The following DCC variants were observed in gnomAD, a reference collection of about 807,000 sequenced individuals.
The protein encoded by DCC is netrin receptor DCC.
Under a neutral mutation model 172.5 loss-of-function variants are expected in DCC, and 58 were observed. The ratio of observed to expected loss-of-function variants is 0.34; its 90% CI spans 0.27 to 0.42. The LOEUF (loss-of-function observed/expected upper bound fraction) is 0.42, where lower values mean the gene tolerates loss of function less well. Among genes scored for constraint, DCC ranks in the 10% least tolerant of loss-of-function variants. The pLI is 1.00. For missense variants in DCC, 1,740 were observed against 1,791.0 expected (o/e 0.97, Z 0.51); for synonymous variants, 709 against 644.5 (o/e 1.10, Z -1.52).
At chr18:53,063,604 G>T (rs561912343) in intron 6 of DCC, 145 bp downstream of exon 6, 37 of 651,180 alleles carry the variant, frequency 5.7e-5, no homozygotes, top group Non-Finnish European at 8.9e-5. Context: ...TAAAGCAAAT[G>T]ATTTTCTAGA....
At chr18:53,485,545 A>C (rs936760148) in intron 25 of DCC, among the ~76,000 whole-genome samples, 1 of 152,234 alleles carries the variant, frequency 6.6e-6, no homozygotes, top group South Asian at 2.1e-4. Context: ...TCATTTTCAA[A>C]CCAGTCCATC....
intron 2 of DCC, among the ~76,000 whole-genome samples, chr18:52,811,156 C>A (rs2038190345): frequency 6.6e-6 from 1 of 152,120 alleles, no homozygotes; most frequent in South Asian, 2.1e-4. Context: ...ACCCCTTCAC[C>A]ACAAAGGATC....
intron 5 of DCC, among the ~76,000 whole-genome samples, chr18:53,036,780 G>T (rs1288599446): frequency 6.6e-6 from 1 of 152,028 alleles, no homozygotes; most frequent in Non-Finnish European, 1.5e-5. Context: ...AAAAGGAAGT[G>T]TTCAGAGTAG....
intron 2 of DCC, among the ~76,000 whole-genome samples, chr18:52,764,270 C>T (rs111954427): frequency 6.8e-4 from 104 of 152,314 alleles, no homozygotes; most frequent in African/African-American, 2.5e-3. Flanking sequence ...CGAGTTGACA[C>T]TGTTAATGAA....
intron 2 of DCC, 143 bp from the exon 3 acceptor site, chr18:52,905,901 G>A: frequency 1.4e-6 from 1 of 702,550 alleles, no homozygotes; most frequent in Non-Finnish European, 2.5e-6. Flanking sequence ...ATGTGGTAAA[G>A]TGTGAAGAGC....
chr18:52,501,124 C>T (rs1165312590), intron 1 of DCC, among the ~76,000 whole-genome samples: 4 of 152,072 alleles, frequency 2.6e-5, no homozygotes, highest in South Asian at 2.1e-4. Flanking sequence ...TTGAAATCTT[C>T]GCACGTTGGT....
chr18:53,355,146 G>A lies in DCC; in HGVS notation c.2359+15239G>A, dbSNP rs112341111. On this transcript the variant is annotated intron_variant, in intron 15 of 28. Coordinates refer to ENST00000442544, the MANE Select transcript of DCC (RefSeq NM_005215.4). The stretch of plus-strand genomic sequence containing the variant: ...TCCATTGATCTATATCTCTGTTTTG[G>A]TACCAGTACCAGGCTGTTTTGGTTA... Among the ~76,000 whole-genome samples, 751 of 152,098 alleles carry A rather than the reference G, an allele frequency of 4.9e-3. 7 individuals carry two copies. The highest frequency in any genetic ancestry group is 0.017 in the African/African-American group (700 of 41,488).
intron 1 of DCC, among the ~76,000 whole-genome samples, chr18:52,622,944 G>T (rs191288172): frequency 1.3e-5 from 2 of 152,280 alleles, no homozygotes; most frequent in Admixed American, 6.5e-5. Context: ...AATTCACAAA[G>T]GACATGTAAA....
intron 1 of DCC, among the ~76,000 whole-genome samples, chr18:52,510,583 C>T (rs980927417): frequency 6.6e-6 from 1 of 152,198 alleles, no homozygotes; most frequent in Admixed American, 6.5e-5. Context: ...CTTATTTCCA[C>T]TCATTCCTAA....
chr18:53,297,589 T>C (rs1448926358), intron 12 of DCC, among the ~76,000 whole-genome samples: 1 of 152,206 alleles, frequency 6.6e-6, no homozygotes, highest in African/African-American at 2.4e-5. Flanking sequence ...TTGCCAGGGT[T>C]GCCTATGAAA....
intron 2 of DCC, among the ~76,000 whole-genome samples, chr18:52,868,051 A>ATGTGTG (rs1477971417): frequency 5.1e-5 from 5 of 98,798 alleles, no homozygotes; most frequent in African/African-American, 1.4e-4. Flanking sequence ...ATATATATAT[A>ATGTGTG]TATGTGTGTG....
chr18:52,417,448 A>G (rs1448075591), intron 1 of DCC, among the ~76,000 whole-genome samples: 5 of 152,026 alleles, frequency 3.3e-5, no homozygotes, highest in Non-Finnish European at 7.4e-5. Context: ...GTTCTCCTGG[A>G]TAATATCCTG....
At chr18:53,287,694 A>G (rs566713059) in intron 12 of DCC, among the ~76,000 whole-genome samples, 221 of 152,252 alleles carry the variant, frequency 1.5e-3, no homozygotes, top group Non-Finnish European at 2.3e-3. Context: ...TTTAATCACA[A>G]TCATCATAGT....
At chr18:52,458,832 A>T (rs1312995020) in intron 1 of DCC, among the ~76,000 whole-genome samples, 7 of 152,250 alleles carry the variant, frequency 4.6e-5, no homozygotes, top group African/African-American at 1.7e-4. Flanking sequence ...GAGTTAGATT[A>T]GCCTAGTCAG....
At chr18:52,571,294 AGAGAGTAGCCTC>A (rs1033064449) in intron 1 of DCC, among the ~76,000 whole-genome samples, 8 of 152,074 alleles carry the variant, frequency 5.3e-5, no homozygotes, top group Non-Finnish European at 1.0e-4. Flanking sequence ...AGGAGGGGTC[AGAGAGTAGCCTC>A]TATGGGTGGG....
intron 2 of DCC, among the ~76,000 whole-genome samples, chr18:52,815,089 CAA>C (rs1432459801): frequency 6.6e-6 from 1 of 151,904 alleles, no homozygotes; most frequent in East Asian, 1.9e-4. Context: ...TATTGTAGGC[CAA>C]ATATAGTAAA....
intron 27 of DCC, among the ~76,000 whole-genome samples, chr18:53,513,945 G>C: frequency 1.3e-5 from 2 of 151,136 alleles, no homozygotes; most frequent in South Asian, 4.3e-4. Context: ...ATTGAACTCA[G>C]CTCTGCACCA....
At chr18:52,836,133 A>G (rs2038700317) in intron 2 of DCC, among the ~76,000 whole-genome samples, 1 of 152,172 alleles carries the variant, frequency 6.6e-6, no homozygotes, top group East Asian at 1.9e-4. Context: ...CTTGTGCACT[A>G]TCATGAGAAC....
intron 11 of DCC, among the ~76,000 whole-genome samples, chr18:53,208,891 T>C (rs1418231663): frequency 1.3e-5 from 2 of 152,180 alleles, no homozygotes; most frequent in East Asian, 3.9e-4. Flanking sequence ...CCACCACCCC[T>C]GGCTAGTTTT....
Sources: allele counts gnomAD v4.1 joint callset (sites outside exome capture counted in the v4.1 genomes callset), GRCh38; gene constraint gnomAD v4.1.1; transcripts MANE v1.5; gene names NCBI Gene and HGNC (gene_info 2026-07-23, HGNC 2026-07-21).